The following ANKS1B variants were observed in gnomAD, a reference collection of about 807,000 sequenced individuals.
The protein encoded by ANKS1B is ankyrin repeat and sterile alpha motif domain containing 1B.
Under a neutral mutation model 148.3 loss-of-function variants are expected in ANKS1B, and 36 were observed. The observed-to-expected ratio is 0.24, with a 90% CI of 0.19 to 0.32. The LOEUF (loss-of-function observed/expected upper bound fraction) is 0.32. Among genes scored for constraint, ANKS1B ranks in the 10% least tolerant of loss-of-function variants. ANKS1B has a pLI of 1.00. For missense variants in ANKS1B, 1,157 were observed against 1,542.6 expected, an observed-to-expected ratio of 0.75 and a Z score of 4.19; for synonymous variants, 542 against 560.8, an observed-to-expected ratio of 0.97 and a Z score of 0.47.
At chr12:99,793,764 A>G (rs2065926020) in intron 4 of ANKS1B, among the ~76,000 whole-genome samples, 2 of 152,118 alleles carry the variant, frequency 1.3e-5, no homozygotes, top group Admixed American at 1.3e-4. Context: ...GGTCTCGGCA[A>G]AGATTTCTTG....
intron 12 of ANKS1B, among the ~76,000 whole-genome samples, chr12:99,362,225 T>C (rs140261535): frequency 2.3e-3 from 350 of 152,118 alleles, no homozygotes; most frequent in African/African-American, 7.9e-3. Flanking sequence ...TAAAATAACT[T>C]GATATAATAA....
At chr12:99,735,775 C>G (rs1456075461) in intron 8 of ANKS1B, among the ~76,000 whole-genome samples, 1 of 140,804 alleles carries the variant, frequency 7.1e-6, no homozygotes, top group Non-Finnish European at 1.5e-5. Flanking sequence ...GCTAGAATTA[C>G]CCTGATACTA....
intron 1 of ANKS1B, among the ~76,000 whole-genome samples, chr12:99,947,725 A>T (rs1376274722): frequency 1.3e-5 from 2 of 152,166 alleles, no homozygotes; most frequent in Admixed American, 6.5e-5. Flanking sequence ...GGTGTCAACC[A>T]AACTGGGCTC....
chr12:99,797,741 C>T (rs2066425299), intron 4 of ANKS1B, among the ~76,000 whole-genome samples: 1 of 151,638 alleles, frequency 6.6e-6, no homozygotes, highest in Non-Finnish European at 1.5e-5. Context: ...TATATGTTAA[C>T]ATCAATAACT....
intron 14 of ANKS1B, among the ~76,000 whole-genome samples, chr12:99,162,292 T>C (rs1347458700): frequency 1.3e-5 from 2 of 152,100 alleles, no homozygotes; most frequent in African/African-American, 4.8e-5. Flanking sequence ...ACAACTGAAT[T>C]GTACCTTTTA....
intron 12 of ANKS1B, among the ~76,000 whole-genome samples, chr12:99,349,744 C>A (rs560586654): frequency 6.6e-6 from 1 of 151,904 alleles, no homozygotes; most frequent in East Asian, 1.9e-4. Flanking sequence ...GATTTCAATA[C>A]CCTATTTTCA....
intron 9 of ANKS1B, among the ~76,000 whole-genome samples, chr12:99,622,509 C>T (rs2098066176): frequency 6.6e-6 from 1 of 151,616 alleles, no homozygotes; most frequent in Non-Finnish European, 1.5e-5. Flanking sequence ...AACAGATTAA[C>T]AAAAACAAAG....
At position 99,244,429 on chromosome 12, in the gene ANKS1B, A is replaced by C; in HGVS notation, c.2347-15T>G. ...ATTTTGTCAATCTGTAAGAAACAAA[A>C]ACCATTTAAATGGATTGTTACATTC... On this transcript the variant is annotated splice_polypyrimidine_tract_variant and intron_variant, in intron 13 of 26. Coordinates refer to ENST00000683438, the MANE Select transcript of ANKS1B (RefSeq NM_001352186.2). 6.5e-7 allele frequency: 1 copy of C among 1,546,694 alleles called. No homozygotes were observed. The highest frequency in any genetic ancestry group is 8.8e-7 in the Non-Finnish European group (1 of 1,131,572).
At chr12:98,953,428 CA>C (rs1196949837) in intron 17 of ANKS1B, among the ~76,000 whole-genome samples, 2 of 151,342 alleles carry the variant, frequency 1.3e-5, no homozygotes, top group African/African-American at 4.8e-5. Context: ...GCTGAAATTA[CA>C]GAAATGAGCC....
At chr12:99,558,315 C>T (rs1201706526) in intron 9 of ANKS1B, among the ~76,000 whole-genome samples, 1 of 152,134 alleles carries the variant, frequency 6.6e-6, no homozygotes, top group Non-Finnish European at 1.5e-5. Context: ...CAGCAGGATG[C>T]CCAAGCATCA....
intron 14 of ANKS1B, among the ~76,000 whole-genome samples, chr12:99,160,819 T>G (rs1281445428): frequency 1.3e-5 from 2 of 152,192 alleles, no homozygotes; most frequent in African/African-American, 2.4e-5. Context: ...TGCTTATTTT[T>G]GTTGATTTGT....
At chr12:99,679,483 TA>T (rs1254940225) in intron 8 of ANKS1B, among the ~76,000 whole-genome samples, 1 of 152,094 alleles carries the variant, frequency 6.6e-6, no homozygotes, top group East Asian at 1.9e-4. Context: ...AATTTTTTTT[TA>T]TTTTTTGTAG....
At chr12:98,894,843 C>T (rs2099760897) in intron 17 of ANKS1B, 3 of 981,406 alleles carry the variant, frequency 3.1e-6, no homozygotes, top group Non-Finnish European at 3.6e-6. Context: ...CCGCGCTGCG[C>T]CGAGCGCCGG....
chr12:98,863,451 T>A (rs1051521942), intron 17 of ANKS1B, among the ~76,000 whole-genome samples: 2 of 152,246 alleles, frequency 1.3e-5, no homozygotes, highest in Admixed American at 6.5e-5. Context: ...GTGAGGCTTC[T>A]GTGCTGTGTG....
At chr12:99,765,785 A>T (rs752190735) in intron 8 of ANKS1B, among the ~76,000 whole-genome samples, 1 of 152,218 alleles carries the variant, frequency 6.6e-6, no homozygotes, top group Non-Finnish European at 1.5e-5. Flanking sequence ...TGTGAAACAT[A>T]AAAATCAAGA....
chr12:99,316,529 T>C (rs2084137847), intron 12 of ANKS1B, among the ~76,000 whole-genome samples: 1 of 152,204 alleles, frequency 6.6e-6, no homozygotes. Flanking sequence ...TTTGATTTTT[T>C]CTTGTAAATT....
intron 1 of ANKS1B, among the ~76,000 whole-genome samples, chr12:99,967,907 C>CA (rs71436975): frequency 0.019 from 2,028 of 106,786 alleles, 51 homozygotes; most frequent in African/African-American, 0.054. Context: ...AACTCCGTCT[C>CA]AAAAAAAAAA....
intron 1 of ANKS1B, among the ~76,000 whole-genome samples, chr12:99,877,871 C>T (rs1353552657): frequency 6.6e-6 from 1 of 152,096 alleles, no homozygotes; most frequent in African/African-American, 2.4e-5. Flanking sequence ...CCAGCCTGGG[C>T]AACATGGCGA....
intron 9 of ANKS1B, among the ~76,000 whole-genome samples, chr12:99,600,060 A>AGCCACC (rs1371554861): frequency 1.3e-5 from 2 of 152,070 alleles, no homozygotes; most frequent in African/African-American, 4.8e-5. Context: ...GGTGAATTTT[A>AGCCACC]GCCACCTAGA....
Sources: gnomAD v4.1 joint callset for allele counts (sites outside exome capture counted in the v4.1 genomes callset) on GRCh38, gnomAD v4.1.1 for gene constraint, MANE v1.5 for transcripts, NCBI Gene and HGNC (gene_info 2026-07-23, HGNC 2026-07-21) for gene names.